HIVEP1: variants seen among roughly 807,000 people sequenced by gnomAD.
HIVEP1 encodes the protein zinc finger protein 40.
HIVEP1 carries 36 observed loss-of-function variants against 180.0 expected under a neutral mutation model. The observed-to-expected ratio is 0.20, with a 90% CI of 0.15 to 0.26. The LOEUF (loss-of-function observed/expected upper bound fraction) is 0.26, where lower values mean the gene tolerates loss of function less well. HIVEP1 is among the 10% of genes least tolerant of loss of function. HIVEP1 has a pLI of 1.00. For synonymous variants in HIVEP1, 1,239 were observed against 1,239.0 expected, an observed-to-expected ratio of 1.00 and a Z score of 0.00; for missense variants, 3,143 against 3,268.7, an observed-to-expected ratio of 0.96 and a Z score of 0.94.
At chr6:12,077,883 T>C (rs1224698399) in intron 2 of HIVEP1, among the ~76,000 whole-genome samples, 2 of 152,184 alleles carry the variant, frequency 1.3e-5, no homozygotes, top group Non-Finnish European at 2.9e-5. Flanking sequence ...ATCCTTTCCT[T>C]TTTCTCTTAG....
rs150662473 is a variant in HIVEP1 at position 12,023,374 on chromosome 6, C to T, written c.40+7706C>T. ...GATGGAATTCCAGCTGTTTAAGCATCGTTTTTCACATTTGAATGTTAGGTC... is the reference window on the plus strand; with the variant it reads ...GATGGAATTCCAGCTGTTTAAGCATTGTTTTTCACATTTGAATGTTAGGTC... On this transcript the variant is annotated intron_variant, in intron 2 of 8. Transcript: ENST00000379388. Among the ~76,000 whole-genome samples the T allele has an allele frequency of 3.5e-3, 528 of 152,206 alleles. 4 individuals carry two copies. Among genetic ancestry groups the T allele is most frequent in the Non-Finnish European group, 5.1e-3 (346 of 68,004 alleles).
chr6:12,121,591 C>G lies in HIVEP1; in HGVS notation c.1796C>G (p.Thr599Arg). 1 of 1,614,160 alleles carries G rather than the reference C, an allele frequency of 6.2e-7. No individual in the cohort carries two copies. Among genetic ancestry groups the G allele is most frequent in the Non-Finnish European group, 8.5e-7 (1 of 1,180,030 alleles). The change falls in exon 4 of 9, where the codon ACA becomes AGA. Residue 599 changes from threonine to arginine, a missense_variant. Around this residue, in one of 12 missense-constraint regions of HIVEP1, gnomAD observed 365 missense variants for 344.4 expected, o/e 1.06. Transcript: ENST00000379388. This position sits in a 1 kb window ranked among gnomAD's most constrained non-coding sequence, Gnocchi z 5.3. ...SAQKQKDLQV[T>R]NVQPLSANMS... is the part of the protein sequence containing the mutation. ...CAAAAGCAGAAGGACCTTCAGGTGA[C>G]AAACGTACAGCCACTTTCAGCCAAC...
At chr6:12,133,422 T>G (rs1266524445) in intron 6 of HIVEP1, among the ~76,000 whole-genome samples, 1 of 152,158 alleles carries the variant, frequency 6.6e-6, no homozygotes, top group Non-Finnish European at 1.5e-5. Flanking sequence ...ATCAGAAAAA[T>G]TATTTATTAA....
chr6:12,206,698 T>C, the HIVEP1 span, among the ~76,000 whole-genome samples: 1 of 152,194 alleles, frequency 6.6e-6, no homozygotes, highest in Admixed American at 6.5e-5. Context: ...TGCTTTGTTA[T>C]GGCAGTCCTA....
At chr6:12,171,819 A>G in the HIVEP1 span, among the ~76,000 whole-genome samples, 1 of 152,188 alleles carries the variant, frequency 6.6e-6, no homozygotes, top group African/African-American at 2.4e-5. Flanking sequence ...GGAAGAACAT[A>G]GTGATTTCTC....
intron 3 of HIVEP1, among the ~76,000 whole-genome samples, chr6:12,102,427 C>T (rs1429375976): frequency 6.6e-6 from 1 of 152,102 alleles, no homozygotes; most frequent in Non-Finnish European, 1.5e-5. Flanking sequence ...AACTCAGTAA[C>T]AGAAAAATGT....
At chr6:12,131,595 C>T (rs1007642588) in intron 6 of HIVEP1, among the ~76,000 whole-genome samples, 9 of 151,232 alleles carry the variant, frequency 6.0e-5, no homozygotes, top group African/African-American at 2.2e-4. Flanking sequence ...GTTAATTTTG[C>T]CCTGTACAAG....
intron 2 of HIVEP1, among the ~76,000 whole-genome samples, chr6:12,046,900 G>A (rs989493224): frequency 1.2e-4 from 15 of 124,718 alleles, no homozygotes; most frequent in Non-Finnish European, 2.4e-4. Context: ...TCGCTCTGTA[G>A]CACAGGCTGG....
At chr6:12,053,225 A>ATGTGTG (rs767873433) in intron 2 of HIVEP1, among the ~76,000 whole-genome samples, 5 of 151,478 alleles carry the variant, frequency 3.3e-5, no homozygotes, top group Non-Finnish European at 7.4e-5. Context: ...TATGCTGTTC[A>ATGTGTG]TGTGTGTGTG....
intron 2 of HIVEP1, among the ~76,000 whole-genome samples, chr6:12,030,195 G>A (rs1413027038): frequency 6.6e-6 from 1 of 152,024 alleles, no homozygotes; most frequent in Non-Finnish European, 1.5e-5. Context: ...AAGATGAATT[G>A]TTTCTTTCAT....
chr6:12,082,496 T>C (rs902210698), intron 2 of HIVEP1, among the ~76,000 whole-genome samples: 4 of 152,120 alleles, frequency 2.6e-5, no homozygotes, highest in African/African-American at 4.8e-5. Flanking sequence ...AAGATCTTGA[T>C]ACCCGCGGTC....
intron 3 of HIVEP1, among the ~76,000 whole-genome samples, chr6:12,093,447 A>G (rs1252706237): frequency 2.6e-5 from 4 of 151,238 alleles, no homozygotes; most frequent in East Asian, 1.9e-4. Flanking sequence ...ATTCTTCTCT[A>G]TCACAAGGTC....
Position 12,123,228 on chromosome 6 carries a change from C to T in HIVEP1, c.3433C>T (p.Pro1145Ser). 1 of 1,614,154 alleles carries T rather than the reference C, an allele frequency of 6.2e-7. No homozygotes were observed. ...VIQHTNSLSR[P>S]NSFDKPEPFE... ...CCAGCACACCAACTCCCTGAGCAGG[C>T]CCAACTCATTTGACAAGCCTGAGCC... Residue 1145 changes from proline (P) to serine (S), a missense_variant, in exon 4 of 9, where the codon CCC (proline) becomes TCC (serine). Pro to Ser is a moderately conservative substitution (Grantham distance 74). Around this residue, in one of 12 missense-constraint regions of HIVEP1, gnomAD observed 1,357 missense variants for 1,260.5 expected, o/e 1.08. Coordinates refer to ENST00000379388, the MANE Select transcript of HIVEP1 (RefSeq NM_002114.4).
chr6:12,167,639 ACATATACATATATAT>A (rs1760746593), downstream of HIVEP1, among the ~76,000 whole-genome samples: 1 of 96,384 alleles, frequency 1.0e-5, no homozygotes, highest in Non-Finnish European at 1.9e-5. Flanking sequence ...TGTTATATAT[ACATATACATATATAT>A]GTTATATATA....
At chr6:12,180,159 T>C in the HIVEP1 span, among the ~76,000 whole-genome samples, 2 of 152,218 alleles carry the variant, frequency 1.3e-5, no homozygotes, top group Non-Finnish European at 2.9e-5. Context: ...GTTGGCACTC[T>C]TTTTCAGTTA....
At chr6:12,054,668 A>G (rs530505950) in intron 2 of HIVEP1, among the ~76,000 whole-genome samples, 8 of 152,300 alleles carry the variant, frequency 5.3e-5, no homozygotes, top group African/African-American at 1.9e-4. Context: ...ACCATAATGA[A>G]CTTTTTTTGC....
chr6:12,079,160 G>C (rs1242977941), intron 2 of HIVEP1, among the ~76,000 whole-genome samples: 1 of 151,952 alleles, frequency 6.6e-6, no homozygotes, highest in Non-Finnish European at 1.5e-5. Context: ...TCCCACAGTG[G>C]GCAACATATT....
At chr6:12,176,233 G>GTTTT in the HIVEP1 span, among the ~76,000 whole-genome samples, 4 of 133,462 alleles carry the variant, frequency 3.0e-5, no homozygotes, top group Non-Finnish European at 4.7e-5. Flanking sequence ...TAAGTCTTGG[G>GTTTT]TTTTTTTTTT....
rs1411124886 is a variant in HIVEP1, at chr6:12,121,379, A to G, written c.1584A>G (p.Leu528=). The change falls in exon 4 of 9, where the codon TTA becomes TTG. Residue 528 remains leucine (L), a synonymous_variant. Coordinates refer to ENST00000379388, the MANE Select transcript of HIVEP1 (RefSeq NM_002114.4). The surrounding 1 kb of genome is among the most constrained non-coding windows in gnomAD (Gnocchi z 5.3). ...IIKRMSNAET[L]LKSSFTPSSP... ...AGAGGATGTCAAATGCTGAAACTTT[A>G]CTAAAATCAAGCTTCACTCCAAGCA... is the stretch of plus-strand genomic sequence containing the variant. 3 of 1,614,056 alleles carry G rather than the reference A, an allele frequency of 1.9e-6. No homozygotes were observed. The highest frequency in any genetic ancestry group is 1.3e-5 in the African/African-American group (1 of 74,924).
Sources: gnomAD v4.1 joint callset for allele counts (sites outside exome capture counted in the v4.1 genomes callset) on GRCh38, gnomAD v4.1.1 for gene constraint, gnomAD v4.1.1 regional missense constraint, Gnocchi (gnomAD v3.1) non-coding constraint, MANE v1.5 for transcripts, NCBI Gene and HGNC (gene_info 2026-07-23, HGNC 2026-07-21) for gene names.